Variants in PLEKHJ1 observed in about 807,000 individuals in gnomAD.
The protein encoded by PLEKHJ1 is pleckstrin homology domain-containing family J member 1.
PLEKHJ1 carries 20 observed loss-of-function variants against 21.7 expected under a neutral mutation model. The observed-to-expected ratio is 0.92, with a 90% CI of 0.65 to 1.34. The LOEUF (loss-of-function observed/expected upper bound fraction) is 1.34. Among genes scored for constraint, PLEKHJ1 ranks in the 40% most tolerant of loss-of-function variants. The probability of loss-of-function intolerance (pLI) is 0.00; values close to 1 mark genes in which losing one functional copy is unlikely to be tolerated. For missense variants in PLEKHJ1, 241 were observed against 202.0 expected (o/e 1.19, Z -1.17); for synonymous variants, 113 against 80.6 (o/e 1.40, Z -2.15).
downstream of PLEKHJ1, chr19:2,231,946 C>T (rs980276730): frequency 4.2e-5 from 9 of 213,176 alleles, no homozygotes; most frequent in South Asian, 1.9e-4. Flanking sequence ...GGGTCATATG[C>T]GTGTCACCAC....
At chr19:2,234,294 C>G in intron 3 of PLEKHJ1, 54 bp from the exon 4 acceptor site, 1 of 1,371,130 alleles carries the variant, frequency 7.3e-7, no homozygotes. Context: ...GCAGCTTCCT[C>G]TTGCCATTGC....
At chr19:2,231,677 G>C (rs1234073119), downstream of PLEKHJ1, 1 of 214,678 alleles carries the variant, frequency 4.7e-6, no homozygotes. Flanking sequence ...AGGACAGGCA[G>C]CCTGCTCTGT....
downstream of PLEKHJ1, chr19:2,232,173 G>A (rs1599639957): frequency 4.5e-6 from 1 of 224,612 alleles, no homozygotes; most frequent in East Asian, 6.4e-5. Flanking sequence ...TGGGTGGGCG[G>A]GCGGCGCCTG....
Position 2,235,982 on chromosome 19 carries a change from G to A in PLEKHJ1, c.103C>T (p.Arg35Trp), listed in dbSNP as rs1409163673. The change falls in exon 2 of 6, where the codon CGG becomes TGG. Residue 35 changes from arginine (R) to tryptophan (W), a missense_variant. Physicochemically the swap from Arg to Trp is moderately radical, Grantham distance 101. Coordinates refer to ENST00000326631, the MANE Select transcript of PLEKHJ1 (RefSeq NM_018049.3). ...TTCACCACCAGCTTCACCAGCCGCC[G>A]CTTCAGCACTGCGGGCACAGCGCGC... ...RGPKKGSVLK[R>W]RLVKLVVNFL... 1 of 1,609,996 alleles carries A rather than the reference G, an allele frequency of 6.2e-7. No individual in the cohort carries two copies.
downstream of PLEKHJ1, chr19:2,231,310 C>T: frequency 4.6e-6 from 1 of 218,714 alleles, no homozygotes; most frequent in Non-Finnish European, 9.2e-6. Flanking sequence ...ATCCACCCTC[C>T]AGGGAGCTGC....
chr19:2,234,063 TG>T lies in PLEKHJ1; in HGVS notation c.321-3del. 6.2e-7 allele frequency: 1 copy of T among 1,613,534 alleles called. No individual in the cohort carries two copies. Among genetic ancestry groups the T allele is most frequent in the Non-Finnish European group, 8.5e-7 (1 of 1,180,006 alleles). On this transcript the variant is annotated splice_region_variant and splice_polypyrimidine_tract_variant and intron_variant, in intron 4 of 5. Coordinates refer to ENST00000326631, the MANE Select transcript of PLEKHJ1 (RefSeq NM_018049.3). Reference sequence around the variant, plus strand: ...AGGCTTCTCCGCATGAACTCGTAGCTGGGGAAAAGGGTGGCACGGGGTCAAA... The same window carrying T: ...AGGCTTCTCCGCATGAACTCGTAGCTGGGAAAAGGGTGGCACGGGGTCAAA...
downstream of PLEKHJ1, chr19:2,230,724 G>A (rs1313989168): frequency 1.3e-5 from 5 of 397,682 alleles, no homozygotes; most frequent in African/African-American, 6.2e-5. Context: ...ATAATGCACA[G>A]TGAAGAGGAA....
At chr19:2,231,866 C>T, downstream of PLEKHJ1, 1 of 220,548 alleles carries the variant, frequency 4.5e-6, no homozygotes, top group Non-Finnish European at 9.1e-6. Flanking sequence ...CCACGCAGGC[C>T]ACCGTATGTT....
At chr19:2,235,484 G>A (rs1240965005) in intron 3 of PLEKHJ1, 1 of 490,730 alleles carries the variant, frequency 2.0e-6, no homozygotes, top group Non-Finnish European at 3.6e-6. Flanking sequence ...GGTGGGGCTG[G>A]CCCACCTGCC....
downstream of PLEKHJ1, chr19:2,231,841 A>G (rs575455446): frequency 3.7e-4 from 81 of 219,764 alleles, no homozygotes; most frequent in African/African-American, 1.8e-3. Context: ...GCAGATGGCC[A>G]TGCAGGGCTC....
chr19:2,234,126 G>C (rs368838350), intron 4 of PLEKHJ1, 24 bp downstream of exon 4: 1 of 1,612,262 alleles, frequency 6.2e-7, no homozygotes, highest in African/African-American at 1.3e-5. Flanking sequence ...CACCCCAGCA[G>C]TGCCCACCAC....
chr19:2,235,462 G>C, intron 3 of PLEKHJ1: 1 of 452,958 alleles, frequency 2.2e-6, no homozygotes. Context: ...TGGCAGCTGG[G>C]GAAACGCTTT....
downstream of PLEKHJ1, chr19:2,231,408 C>T (rs766989477): frequency 5.9e-5 from 12 of 205,040 alleles, no homozygotes; most frequent in Non-Finnish European, 1.2e-4. Context: ...GGAGGAAAGG[C>T]TTCTGTGGTT....
downstream of PLEKHJ1, chr19:2,230,017 T>C: frequency 5.7e-6 from 4 of 699,892 alleles, no homozygotes; most frequent in East Asian, 2.8e-5. Flanking sequence ...TTAAAAAGTA[T>C]AAACAATTCT....
At chr19:2,234,415 C>A in intron 3 of PLEKHJ1, 175 bp from the exon 4 acceptor site, 2 of 582,156 alleles carry the variant, frequency 3.4e-6, no homozygotes, top group Non-Finnish European at 6.1e-6. Flanking sequence ...ATAAACTAGT[C>A]AAAATGAGGT....
At chr19:2,232,980 C>T (rs1026441180), downstream of PLEKHJ1, among the ~76,000 whole-genome samples, 22 of 152,310 alleles carry the variant, frequency 1.4e-4, no homozygotes, top group African/African-American at 4.8e-4. Flanking sequence ...CACACAGCAG[C>T]TCTGTTCTCC....
downstream of PLEKHJ1, chr19:2,230,096 G>T: frequency 1.8e-6 from 1 of 568,824 alleles, no homozygotes; most frequent in Non-Finnish European, 3.1e-6. Context: ...ATATATGAGA[G>T]CTCTATATAA....
At chr19:2,234,602 C>T (rs1330923593) in intron 3 of PLEKHJ1, 4 of 242,084 alleles carry the variant, frequency 1.7e-5, no homozygotes, top group East Asian at 1.1e-4. Context: ...CCAGCCACTC[C>T]GGAGTCAGAA....
rs1208746228 is a variant in PLEKHJ1, at chr19:2,235,779, G to C, written c.212C>G (p.Pro71Arg). ...CCACTCACTGATGGAGAAGGTGCCG[G>C]GCTCTTCCCGGACGACTCTGCAGCG... Reference protein sequence around the residue: ...LERCRVVREEPGTFSISFIED... With the variant: ...LERCRVVREERGTFSISFIED... The change falls in exon 3 of 6, where the codon CCC becomes CGC. Residue 71 changes from proline (P) to arginine (R), a missense_variant. By Grantham distance (103) the Pro-to-Arg change is moderately radical. Transcript: ENST00000326631. The C allele has an allele frequency of 2.6e-6, 4 of 1,549,352 alleles. No individual in the cohort carries two copies. Among genetic ancestry groups the C allele is most frequent in the Non-Finnish European group, 3.5e-6 (4 of 1,146,760 alleles).
Sources: allele counts gnomAD v4.1 joint callset (sites outside exome capture counted in the v4.1 genomes callset), GRCh38; gene constraint gnomAD v4.1.1; transcripts MANE v1.5; gene names NCBI Gene and HGNC (gene_info 2026-07-23, HGNC 2026-07-21).